Variants in ENPP3 observed in about 807,000 individuals in gnomAD.
ENPP3 encodes ectonucleotide pyrophosphatase/phosphodiesterase family member 3.
ENPP3 carries 104 observed loss-of-function variants against 117.8 expected under a neutral mutation model. The observed-to-expected ratio is 0.88, with a 90% confidence interval of 0.75 to 1.04. The LOEUF is 1.04. Among genes scored for constraint, ENPP3 ranks in the 50% least tolerant of loss-of-function variants. The pLI is 0.00. For missense variants in ENPP3, 1,026 were observed against 1,051.9 expected (o/e 0.98, Z 0.34); for synonymous variants, 380 against 349.9 (o/e 1.09, Z -0.96).
chr6:131,678,998 C>A (rs1410618274), intron 11 of ENPP3, among the ~76,000 whole-genome samples: 1 of 70,440 alleles, frequency 1.4e-5, no homozygotes, highest in Non-Finnish European at 2.5e-5. Context: ...TCCTTCCTTC[C>A]TTGCTTCCTT....
At position 131,700,614 on chromosome 6, in the gene ENPP3, T is replaced by C. The variant is rs776191903; in HGVS notation, c.1412+6990T>C. 20 of 1,554,220 alleles carry C rather than the reference T, an allele frequency of 1.3e-5. 2 individuals are homozygous for C. Among genetic ancestry groups the C allele is most frequent in the Non-Finnish European group, 1.6e-5 (19 of 1,165,106 alleles). On this transcript the variant is annotated intron_variant, in intron 15 of 24. Transcript: ENST00000357639. Reference sequence around the variant, plus strand: ...TTTCTTCTGCTCCTTGGGGTTCCCATATCTGGGTCCAACATACATGATAAT... The same window carrying C: ...TTTCTTCTGCTCCTTGGGGTTCCCACATCTGGGTCCAACATACATGATAAT...
At chr6:131,641,741 CT>C (rs1778045895) in intron 2 of ENPP3, among the ~76,000 whole-genome samples, 1 of 149,136 alleles carries the variant, frequency 6.7e-6, no homozygotes, top group South Asian at 2.1e-4. Context: ...CTTTTTCACC[CT>C]GCTCATTTGA....
At chr6:131,672,217 G>T (rs530174922) in intron 7 of ENPP3, among the ~76,000 whole-genome samples, 2 of 152,230 alleles carry the variant, frequency 1.3e-5, no homozygotes, top group East Asian at 3.9e-4. Context: ...GAGACATTCT[G>T]CTTTCTTGTT....
At chr6:131,639,266 T>TA (rs1454993724) in intron 1 of ENPP3, among the ~76,000 whole-genome samples, 776 of 60,442 alleles carry the variant, frequency 0.013, 1 homozygote, top group African/African-American at 0.023. Context: ...TATATATATA[T>TA]TTTTTTTTTT....
intron 5 of ENPP3, among the ~76,000 whole-genome samples, chr6:131,656,489 C>T (rs945970841): frequency 6.6e-6 from 1 of 152,152 alleles, no homozygotes; most frequent in African/African-American, 2.4e-5. Context: ...TGTCGTAGGC[C>T]GGGCATGGTG....
intron 14 of ENPP3, among the ~76,000 whole-genome samples, chr6:131,687,309 C>A (rs1779174031): frequency 6.6e-6 from 1 of 152,082 alleles, no homozygotes; most frequent in African/African-American, 2.4e-5. Flanking sequence ...AACTAGCCAG[C>A]CACATGAACA....
intron 2 of ENPP3, among the ~76,000 whole-genome samples, chr6:131,643,240 G>C (rs1316158499): frequency 6.6e-6 from 1 of 152,138 alleles, no homozygotes; most frequent in African/African-American, 2.4e-5. Context: ...ATGTTGACAG[G>C]CCATTTCAGT....
chr6:131,678,187 C>T (rs1585654817), intron 11 of ENPP3, among the ~76,000 whole-genome samples: 1 of 152,234 alleles, frequency 6.6e-6, no homozygotes, highest in East Asian at 1.9e-4. Flanking sequence ...TTGAAAAGCC[C>T]TCATTGAATA....
chr6:131,746,856 A>G lies in ENPP3; in HGVS notation c.2528A>G (p.Glu843Gly). Reference sequence around the variant, plus strand: ...CACATTGCCCGGGTCCGTGATGTAGAACTTCTCACTGGGCTTGACTTCTAT... The same window carrying G: ...CACATTGCCCGGGTCCGTGATGTAGGACTTCTCACTGGGCTTGACTTCTAT... ...TAHIARVRDVELLTGLDFYQD... is the reference protein window; with the variant it reads ...TAHIARVRDVGLLTGLDFYQD... The change falls in exon 25 of 25, where the codon GAA (glutamate) becomes GGA (glycine). Residue 843 changes from glutamate (E) to glycine (G), a missense_variant. Glu to Gly is a moderately conservative substitution (Grantham distance 98). Transcript: ENST00000357639. 5 of 1,613,586 alleles carry G rather than the reference A, an allele frequency of 3.1e-6. No homozygotes were observed. Among genetic ancestry groups the G allele is most frequent in the Non-Finnish European group, 4.2e-6 (5 of 1,179,742 alleles).
chr6:131,695,231 T>C (rs1779379039), intron 15 of ENPP3, among the ~76,000 whole-genome samples: 1 of 152,190 alleles, frequency 6.6e-6, no homozygotes, highest in African/African-American at 2.4e-5. Flanking sequence ...CAAGTTGGGG[T>C]ACATTCTCCA....
chr6:131,664,908 A>G (rs1778585038), intron 6 of ENPP3, among the ~76,000 whole-genome samples: 1 of 152,174 alleles, frequency 6.6e-6, no homozygotes, highest in African/African-American at 2.4e-5. Context: ...CCCTGTCTTT[A>G]AGCAATGCGT....
chr6:131,730,511 G>A (rs1182346649), intron 20 of ENPP3, among the ~76,000 whole-genome samples: 1 of 152,156 alleles, frequency 6.6e-6, no homozygotes, highest in South Asian at 2.1e-4. Flanking sequence ...AAAGAAAAAG[G>A]GGAAGATACA....
At chr6:131,729,041 CCTCT>C (rs1780217563) in intron 20 of ENPP3, among the ~76,000 whole-genome samples, 2 of 152,084 alleles carry the variant, frequency 1.3e-5, no homozygotes, top group Non-Finnish European at 2.9e-5. Flanking sequence ...TTGAAAAATG[CCTCT>C]CTGTCTCCCT....
intron 19 of ENPP3, among the ~76,000 whole-genome samples, chr6:131,725,157 T>C (rs1352466848): frequency 6.6e-6 from 1 of 151,890 alleles, no homozygotes; most frequent in East Asian, 1.9e-4. Flanking sequence ...ACCCAGGAGA[T>C]GGAGGTTGCA....
At chr6:131,707,082 T>C (rs1355929804) in intron 15 of ENPP3, among the ~76,000 whole-genome samples, 1 of 150,206 alleles carries the variant, frequency 6.7e-6, no homozygotes, top group Non-Finnish European at 1.5e-5. Flanking sequence ...TATTTATTGG[T>C]AGTTTTAAAA....
intron 7 of ENPP3, among the ~76,000 whole-genome samples, chr6:131,672,185 T>G (rs1274089511): frequency 6.6e-6 from 1 of 152,228 alleles, no homozygotes; most frequent in Admixed American, 6.5e-5. Flanking sequence ...AATGCTTATA[T>G]TCCTAGCTAA....
chr6:131,656,277 A>G (rs1487609854), intron 5 of ENPP3, among the ~76,000 whole-genome samples: 2 of 152,178 alleles, frequency 1.3e-5, no homozygotes, highest in Non-Finnish European at 2.9e-5. Context: ...TAAAAATAAT[A>G]TGGATGCAAT....
At chr6:131,711,493 C>G in intron 15 of ENPP3, among the ~76,000 whole-genome samples, 1 of 142,368 alleles carries the variant, frequency 7.0e-6, no homozygotes, top group Admixed American at 7.0e-5. Flanking sequence ...GTTAATTTGG[C>G]CTGCCCTGTA....
intron 23 of ENPP3, among the ~76,000 whole-genome samples, chr6:131,738,379 A>G (rs1323731915): frequency 1.3e-5 from 2 of 152,204 alleles, no homozygotes; most frequent in East Asian, 3.8e-4. Flanking sequence ...GGAAAAGTTT[A>G]GCAAAATTTT....
Sources: gnomAD v4.1 joint callset for allele counts (sites outside exome capture counted in the v4.1 genomes callset) on GRCh38, gnomAD v4.1.1 for gene constraint, MANE v1.5 for transcripts, NCBI Gene and HGNC (gene_info 2026-07-23, HGNC 2026-07-21) for gene names.